CNTN5: variants seen among roughly 807,000 people sequenced by gnomAD.
CNTN5 encodes the protein contactin-5.
Under a neutral mutation model 129.1 loss-of-function variants are expected in CNTN5, and 77 were observed. The ratio of observed to expected loss-of-function variants is 0.60; its 90% CI spans 0.50 to 0.72. The LOEUF (loss-of-function observed/expected upper bound fraction) is 0.72. CNTN5 is among the 30% of genes least tolerant of loss of function. The pLI is 0.00. For synonymous variants in CNTN5, 509 were observed against 465.6 expected, an observed-to-expected ratio of 1.09 and a Z score of -1.20; for missense variants, 1,478 against 1,328.8, an observed-to-expected ratio of 1.11 and a Z score of -1.75.
intron 2 of CNTN5, among the ~76,000 whole-genome samples, chr11:99,415,733 A>G (rs1942628513): frequency 6.6e-6 from 1 of 152,064 alleles, no homozygotes; most frequent in Non-Finnish European, 1.5e-5. Context: ...GGGCCCCAAT[A>G]AGACCTAGCA....
chr11:100,155,597 A>C (rs1183309147), intron 13 of CNTN5, among the ~76,000 whole-genome samples: 1 of 152,112 alleles, frequency 6.6e-6, no homozygotes, highest in East Asian at 1.9e-4. Context: ...ATGAATCTAT[A>C]AATTACTTTG....
chr11:99,282,144 G>C (rs1478778481), intron 1 of CNTN5, among the ~76,000 whole-genome samples: 4 of 152,008 alleles, frequency 2.6e-5, no homozygotes, highest in African/African-American at 9.7e-5. Context: ...AAAAAAATGT[G>C]CATAAACTCA....
chr11:100,286,698 C>A (rs1950803023), intron 18 of CNTN5, among the ~76,000 whole-genome samples: 1 of 149,884 alleles, frequency 6.7e-6, no homozygotes, highest in Non-Finnish European at 1.5e-5. Flanking sequence ...AAGCAGAGTG[C>A]CTCTCCTCCT....
At chr11:99,341,681 A>G (rs537782513) in intron 2 of CNTN5, among the ~76,000 whole-genome samples, 2 of 152,304 alleles carry the variant, frequency 1.3e-5, no homozygotes, top group South Asian at 4.1e-4. Flanking sequence ...CAAACAACAA[A>G]AAGAGGAAAA....
intron 2 of CNTN5, among the ~76,000 whole-genome samples, chr11:99,503,678 A>T (rs1946508941): frequency 6.6e-6 from 1 of 152,200 alleles, no homozygotes. Flanking sequence ...GCTTCTAATA[A>T]TACTGTTCCA....
At chr11:99,788,732 A>G (rs1945627742) in intron 3 of CNTN5, among the ~76,000 whole-genome samples, 1 of 151,672 alleles carries the variant, frequency 6.6e-6, no homozygotes, top group Admixed American at 6.6e-5. Context: ...TAAAATTTTT[A>G]CTCCATCACC....
chr11:100,079,955 A>G (rs1944294444), intron 13 of CNTN5, among the ~76,000 whole-genome samples: 1 of 152,146 alleles, frequency 6.6e-6, no homozygotes, highest in Non-Finnish European at 1.5e-5. Flanking sequence ...CAGTGCACAA[A>G]TATTAAGTCT....
intron 3 of CNTN5, among the ~76,000 whole-genome samples, chr11:99,787,317 AGACAG>A (rs1945567321): frequency 6.6e-6 from 1 of 151,686 alleles, no homozygotes; most frequent in African/African-American, 2.4e-5. Context: ...ATCATTTAAG[AGACAG>A]TGATCATGAA....
At chr11:100,232,158 A>G (rs552558525) in intron 16 of CNTN5, among the ~76,000 whole-genome samples, 2 of 152,268 alleles carry the variant, frequency 1.3e-5, no homozygotes, top group Admixed American at 1.3e-4. Context: ...TCTCAAAAAA[A>G]ACAAAAAACA....
chr11:99,574,146 A>AC, intron 3 of CNTN5, among the ~76,000 whole-genome samples: 1 of 152,268 alleles, frequency 6.6e-6, no homozygotes, highest in Middle Eastern at 3.4e-3. Flanking sequence ...ATGAGTGAGA[A>AC]CGTGCAGTGT....
chr11:99,403,108 G>T (rs1199253013), intron 2 of CNTN5, among the ~76,000 whole-genome samples: 1 of 147,954 alleles, frequency 6.8e-6, no homozygotes, highest in African/African-American at 2.5e-5. Flanking sequence ...CCGGGTTCAC[G>T]CCATTCTCCT....
At chr11:99,927,214 T>C (rs1352252526) in intron 7 of CNTN5, among the ~76,000 whole-genome samples, 1 of 152,194 alleles carries the variant, frequency 6.6e-6, no homozygotes, top group Admixed American at 6.5e-5. Flanking sequence ...TCCTATTCTA[T>C]CTTTATCCCT....
intron 1 of CNTN5, among the ~76,000 whole-genome samples, chr11:99,243,504 G>GAA (rs1445145366): frequency 2.0e-5 from 3 of 151,914 alleles, no homozygotes; most frequent in Non-Finnish European, 4.4e-5. Context: ...TGTTGCAGTT[G>GAA]CTCTTGGGAC....
intron 3 of CNTN5, among the ~76,000 whole-genome samples, chr11:99,785,581 C>T (rs745612098): frequency 1.9e-4 from 29 of 152,200 alleles, no homozygotes; most frequent in Middle Eastern, 3.4e-3. Flanking sequence ...TGAACATCGA[C>T]GCAAATATCC....
At chr11:100,263,450 A>C (rs1950244490) in intron 17 of CNTN5, among the ~76,000 whole-genome samples, 1 of 152,144 alleles carries the variant, frequency 6.6e-6, no homozygotes, top group African/African-American at 2.4e-5. Context: ...TTAATTCAGA[A>C]TTTATTTGAT....
chr11:99,564,818 T>C (rs1225363268), intron 3 of CNTN5, among the ~76,000 whole-genome samples: 3 of 152,152 alleles, frequency 2.0e-5, no homozygotes, highest in African/African-American at 7.2e-5. Flanking sequence ...TACTTTCAAT[T>C]TATAAGCAGC....
chr11:99,622,901 A>G (rs2458164), intron 3 of CNTN5, among the ~76,000 whole-genome samples: 67,409 of 151,590 alleles, frequency 0.44, 15,372 homozygotes, highest in Admixed American at 0.58. Flanking sequence ...CTCTCCAAAC[A>G]TAACCCTCCA....
chr11:99,714,989 C>T (rs1307394738), intron 3 of CNTN5, among the ~76,000 whole-genome samples: 3 of 151,910 alleles, frequency 2.0e-5, no homozygotes, highest in Non-Finnish European at 2.9e-5. Context: ...GTATTAATTA[C>T]TCTTTTTATG....
intron 2 of CNTN5, among the ~76,000 whole-genome samples, chr11:99,444,484 G>A (rs1020254810): frequency 5.3e-5 from 8 of 152,206 alleles, no homozygotes; most frequent in African/African-American, 7.2e-5. Flanking sequence ...TTCTGTGCAC[G>A]TTAGTGAGAA....
Sources: allele counts gnomAD v4.1 joint callset (sites outside exome capture counted in the v4.1 genomes callset), GRCh38; gene constraint gnomAD v4.1.1; transcripts MANE v1.5; gene names NCBI Gene and HGNC (gene_info 2026-07-23, HGNC 2026-07-21).